The following TCF12 variants were observed in gnomAD, a reference collection of about 807,000 sequenced individuals.
The protein encoded by TCF12 is transcription factor 12, also known as DNA-binding protein HTF4.
In TCF12, 45 loss-of-function variants were observed where a neutral mutation model predicts 86.0. The ratio of observed to expected loss-of-function variants is 0.52; its 90% CI spans 0.41 to 0.67. TCF12 has a LOEUF of 0.67. Among genes scored for constraint, TCF12 ranks in the 30% least tolerant of loss-of-function variants. The probability of loss-of-function intolerance (pLI) is 0.00; values close to 1 mark genes in which losing one functional copy is unlikely to be tolerated. For missense variants in TCF12, 881 were observed against 859.9 expected (o/e 1.02, Z -0.31); for synonymous variants, 330 against 299.6 (o/e 1.10, Z -1.05).
chr15:57,066,531 A>C (rs2068888064), intron 4 of TCF12, among the ~76,000 whole-genome samples: 1 of 152,150 alleles, frequency 6.6e-6, no homozygotes, highest in African/African-American at 2.4e-5. Context: ...TCCATTATTT[A>C]AAAATAATTT....
At chr15:56,997,983 A>G (rs1596030235) in intron 3 of TCF12, among the ~76,000 whole-genome samples, 1 of 152,370 alleles carries the variant, frequency 6.6e-6, no homozygotes, top group East Asian at 1.9e-4. Flanking sequence ...CATATTGATA[A>G]AAGAATTGAT....
intron 8 of TCF12, among the ~76,000 whole-genome samples, chr15:57,204,126 T>C (rs1197716513): frequency 2.0e-5 from 3 of 152,176 alleles, no homozygotes; most frequent in Non-Finnish European, 2.9e-5. Flanking sequence ...GGCCCTTGAA[T>C]TAGTCACTGA....
Position 57,288,333 on chromosome 15 carries a change from C to T in TCF12, c.*2188C>T, listed in dbSNP as rs1221566694. 2.6e-5 allele frequency: 4 copies of T among 152,592 alleles called. No homozygotes were observed. The highest frequency in any genetic ancestry group is 4.8e-5 in the African/African-American group (2 of 41,424). The allele number at this position is 152,592 out of a possible 1,614,324, so 9.5% of individuals were successfully genotyped here. A position where few individuals can be genotyped will look rare whatever the true frequency, so the allele number is the denominator to read the frequency against. On this transcript the variant is annotated 3_prime_UTR_variant, in exon 21 of 21. Coordinates refer to ENST00000333725, the MANE Select transcript of TCF12 (RefSeq NM_207037.2). ...GAGATGAATTGCTTCTCATCTTGTTCTCCAGTTTCCATTGTTGGTTTATTG... is the reference window on the plus strand; with the variant it reads ...GAGATGAATTGCTTCTCATCTTGTTTTCCAGTTTCCATTGTTGGTTTATTG...
chr15:57,251,086 C>T, intron 13 of TCF12: 2 of 358,222 alleles, frequency 5.6e-6, no homozygotes, highest in Non-Finnish European at 1.0e-5. Flanking sequence ...TGGACTAAGT[C>T]TAAAGAATGT....
At chr15:57,279,597 C>T (rs1247033364) in intron 19 of TCF12, among the ~76,000 whole-genome samples, 1 of 152,092 alleles carries the variant, frequency 6.6e-6, no homozygotes, top group Non-Finnish European at 1.5e-5. Context: ...GTTCTTCCTG[C>T]CAGAAGTGTT....
intron 3 of TCF12, among the ~76,000 whole-genome samples, chr15:57,007,780 TTCTTTCTTTCTC>T (rs768655236): frequency 0.28 from 19,848 of 70,558 alleles, 1,710 homozygotes; most frequent in East Asian, 0.36. Flanking sequence ...CTTTCTTTCT[TTCTTTCTTTCTC>T]TCTTTCTTTC....
intron 8 of TCF12, among the ~76,000 whole-genome samples, chr15:57,208,306 A>G (rs2057938220): frequency 6.6e-6 from 1 of 151,090 alleles, no homozygotes; most frequent in Non-Finnish European, 1.5e-5. Flanking sequence ...TGCTGGGATT[A>G]CAGTTGTGAG....
At chr15:57,064,355 C>G (rs1190866609) in intron 4 of TCF12, among the ~76,000 whole-genome samples, 1 of 152,030 alleles carries the variant, frequency 6.6e-6, no homozygotes, top group African/African-American at 2.4e-5. Context: ...GGTTAGAGCC[C>G]TTTCCAGCAA....
At chr15:57,290,274 T>C (rs4774919), downstream of TCF12, among the ~76,000 whole-genome samples, 59,021 of 143,118 alleles carry the variant, frequency 0.41, 14,449 homozygotes, top group Non-Finnish European at 0.55. Context: ...ACCCGGGAGG[T>C]GGAGGTTTCA....
chr15:56,921,520 C>T (rs1414884540), intron 3 of TCF12, among the ~76,000 whole-genome samples: 14 of 151,966 alleles, frequency 9.2e-5, no homozygotes, highest in African/African-American at 3.4e-4. Context: ...TAAAACATCC[C>T]ATTTTTCTTA....
intron 18 of TCF12, among the ~76,000 whole-genome samples, chr15:57,264,303 T>C (rs1157494096): frequency 2.2e-5 from 3 of 136,932 alleles, no homozygotes; most frequent in Non-Finnish European, 4.6e-5. Flanking sequence ...CAGGTTCAAG[T>C]GATTCTCCTG....
At chr15:57,042,408 G>A (rs189799296) in intron 3 of TCF12, among the ~76,000 whole-genome samples, 154 of 152,036 alleles carry the variant, frequency 1.0e-3, no homozygotes, top group Non-Finnish European at 2.6e-4. Flanking sequence ...GCAAAAAAAC[G>A]TGATTTTCCT....
chr15:57,142,049 A>T (rs2053007861), intron 5 of TCF12, among the ~76,000 whole-genome samples: 1 of 152,176 alleles, frequency 6.6e-6, no homozygotes, highest in South Asian at 2.1e-4. Context: ...GAAGCCAGTG[A>T]TCACAGCAAA....
At chr15:57,202,628 G>A (rs1374038401) in intron 8 of TCF12, among the ~76,000 whole-genome samples, 1 of 151,330 alleles carries the variant, frequency 6.6e-6, no homozygotes, top group African/African-American at 2.4e-5. Flanking sequence ...GTAGAGATGG[G>A]GTTTCACCGC....
At chr15:56,938,776 T>A (rs1465737004) in intron 3 of TCF12, among the ~76,000 whole-genome samples, 1 of 151,990 alleles carries the variant, frequency 6.6e-6, no homozygotes, top group African/African-American at 2.4e-5. Context: ...CCATTGGGGA[T>A]CCATCACATT....
intron 4 of TCF12, among the ~76,000 whole-genome samples, chr15:57,071,619 C>T (rs1484155810): frequency 4.6e-5 from 7 of 152,080 alleles, no homozygotes; most frequent in African/African-American, 1.7e-4. Context: ...GAGTGAAACC[C>T]GATCTCAAAA....
At chr15:57,218,913 G>A (rs1183470629) in intron 8 of TCF12, 2 of 450,434 alleles carry the variant, frequency 4.4e-6, no homozygotes, top group Non-Finnish European at 6.0e-6. Flanking sequence ...GTATTTGCAT[G>A]ATGGTCTGCT....
intron 10 of TCF12, 59 bp from the exon 11 acceptor site, chr15:57,232,653 A>G: frequency 1.9e-6 from 3 of 1,549,582 alleles, no homozygotes; most frequent in Non-Finnish European, 2.6e-6. Context: ...ATAGTTGTCC[A>G]TTTTATGTGA....
intron 5 of TCF12, among the ~76,000 whole-genome samples, chr15:57,157,393 A>G (rs1443872735): frequency 6.7e-6 from 1 of 150,066 alleles, no homozygotes; most frequent in Non-Finnish European, 1.5e-5. Context: ...AAATGTGGTG[A>G]CATTAAGAAA....
Sources: allele counts gnomAD v4.1 joint callset (sites outside exome capture counted in the v4.1 genomes callset), GRCh38; gene constraint gnomAD v4.1.1; transcripts MANE v1.5; gene names NCBI Gene and HGNC (gene_info 2026-07-23, HGNC 2026-07-21).